Variants in ADGRL2 observed in about 807,000 individuals in gnomAD.
ADGRL2 encodes the protein calcium-independent alpha-latrotoxin receptor 2.
ADGRL2 carries 44 observed loss-of-function variants against 157.4 expected under a neutral mutation model. The observed-to-expected ratio is 0.28, with a 90% CI of 0.22 to 0.36. The LOEUF is 0.36. ADGRL2 is among the 10% of genes least tolerant of loss of function. The pLI is 1.00. For synonymous variants in ADGRL2, 585 were observed against 624.7 expected (o/e 0.94, Z 0.95); for missense variants, 1,510 against 1,768.9 (o/e 0.85, Z 2.63).
intron 14 of ADGRL2, 38 bp from the exon 15 acceptor site, chr1:81,969,140 C>A: frequency 7.1e-7 from 1 of 1,415,268 alleles, no homozygotes; most frequent in Non-Finnish European, 1.0e-6. Context: ...TGATGTAATG[C>A]AGGAATACTA....
intron 3 of ADGRL2, among the ~76,000 whole-genome samples, chr1:81,613,504 A>G (rs151290478): frequency 1.3e-5 from 2 of 152,338 alleles, no homozygotes; most frequent in Middle Eastern, 3.4e-3. Context: ...ATAAGGTGGA[A>G]TGCAATCAGG....
intron 2 of ADGRL2, among the ~76,000 whole-genome samples, chr1:81,896,129 C>T (rs1039769138): frequency 6.6e-6 from 1 of 151,990 alleles, no homozygotes; most frequent in African/African-American, 2.4e-5. Context: ...ATTATACCTG[C>T]GGAGATGATG....
In ADGRL2 at chr1:81,623,635, C is replaced by CTTT. The variant is rs752595573; in HGVS notation, c.-143+42672_-143+42674dup. Among the ~76,000 whole-genome samples the CTTT allele has an allele frequency of 2.2e-3, 265 of 118,946 alleles. 6 individuals carry two copies. Among genetic ancestry groups the CTTT allele is most frequent in the Middle Eastern group, 5.5e-3 (1 of 182 alleles). The allele number at this position is 118,946 out of a possible 152,430, so 78.0% of individuals were successfully genotyped here. ...CCTAAATCCAATGACTGATATCTTC[C>CTTT]TTTTTTTTTTTTTTTTTTTGAGACA... On this transcript the variant is annotated intron_variant, in intron 3 of 24. Coordinates refer to the ADGRL2 transcript ENST00000370721.
chr1:81,449,388 A>G (rs918489164), intron 2 of ADGRL2, among the ~76,000 whole-genome samples: 1 of 152,210 alleles, frequency 6.6e-6, no homozygotes, highest in African/African-American at 2.4e-5. Flanking sequence ...CGGGTAATTC[A>G]TTATGAAGGC....
chr1:81,362,528 A>C (rs957042888), intron 1 of ADGRL2, among the ~76,000 whole-genome samples: 3 of 151,970 alleles, frequency 2.0e-5, no homozygotes, highest in Non-Finnish European at 4.4e-5. Flanking sequence ...AGGCCCTCCA[A>C]ATTTATATGT....
At chr1:81,745,575 T>C (rs2085218875) in intron 1 of ADGRL2, among the ~76,000 whole-genome samples, 1 of 152,194 alleles carries the variant, frequency 6.6e-6, no homozygotes, top group African/African-American at 2.4e-5. Flanking sequence ...GTACACTCAG[T>C]GTTATTCATG....
chr1:81,359,589 G>A (rs1472944032), intron 1 of ADGRL2, among the ~76,000 whole-genome samples: 1 of 151,902 alleles, frequency 6.6e-6, no homozygotes, highest in Non-Finnish European at 1.5e-5. Context: ...AATAGACATT[G>A]CTAACATGAT....
chr1:81,528,203 A>T (rs141121118), intron 2 of ADGRL2, among the ~76,000 whole-genome samples: 86 of 152,372 alleles, frequency 5.6e-4, no homozygotes, highest in African/African-American at 2.0e-3. Flanking sequence ...TCTATTATTT[A>T]TAAATTAACC....
intron 2 of ADGRL2, among the ~76,000 whole-genome samples, chr1:81,559,056 T>G (rs566736974): frequency 6.6e-6 from 1 of 152,098 alleles, no homozygotes; most frequent in Non-Finnish European, 1.5e-5. Context: ...CACCTCTGAT[T>G]TTTTCTGTCA....
chr1:81,426,902 A>C, intron 1 of ADGRL2: 1 of 679,670 alleles, frequency 1.5e-6, no homozygotes, highest in Admixed American at 1.8e-5. Context: ...AAAGTATGGC[A>C]AGACTGAAAC....
chr1:81,477,965 A>G (rs895001629), intron 2 of ADGRL2, among the ~76,000 whole-genome samples: 1 of 152,148 alleles, frequency 6.6e-6, no homozygotes, highest in Non-Finnish European at 1.5e-5. Flanking sequence ...GTGTGAACGG[A>G]ACAAATGGCA....
chr1:81,369,553 G>A (rs1557634432), intron 1 of ADGRL2, among the ~76,000 whole-genome samples: 1 of 152,022 alleles, frequency 6.6e-6, no homozygotes, highest in African/African-American at 2.4e-5. Context: ...TCTCTATATG[G>A]GGTCTATTGT....
Position 81,970,524 on chromosome 1 carries a change from A to G in ADGRL2, c.2944A>G (p.Thr982Ala), listed in dbSNP as rs774188435. The change falls in exon 16 of 24, where the codon ACA becomes GCA. Residue 982 changes from threonine (T) to alanine (A), a missense_variant. By Grantham distance (58) the Thr-to-Ala change is moderately conservative. Coordinates refer to ENST00000686636, the MANE Select transcript of ADGRL2 (RefSeq NM_001366006.2). The part of the protein sequence containing the change: ...SAAIDYKSYG[T>A]EKACWLHVDN... ...TGCTATTGACTATAAGAGCTATGGAACAGAAAAAGCGTAAGTAATTGCAAG... is the reference window on the plus strand; with the variant it reads ...TGCTATTGACTATAAGAGCTATGGAGCAGAAAAAGCGTAAGTAATTGCAAG... 3 of 1,605,796 alleles carry G rather than the reference A, an allele frequency of 1.9e-6. No individual in the cohort carries two copies. The highest frequency in any genetic ancestry group is 2.5e-6 in the Non-Finnish European group (3 of 1,177,410).
intron 1 of ADGRL2, among the ~76,000 whole-genome samples, chr1:81,374,578 G>GAAAAAAAAAAAACAAC (rs71242588): frequency 3.2e-4 from 42 of 130,268 alleles, no homozygotes; most frequent in South Asian, 9.7e-4. Flanking sequence ...TCTCAAAAAA[G>GAAAAAAAAAAAACAAC]AAAAAAAAAA....
At chr1:81,891,147 A>AGT (rs2094254258) in intron 2 of ADGRL2, among the ~76,000 whole-genome samples, 1 of 151,746 alleles carries the variant, frequency 6.6e-6, no homozygotes, top group Non-Finnish European at 1.5e-5. Context: ...CCCATTCCCA[A>AGT]ATCACTAAAT....
At chr1:81,881,237 G>A (rs1344919116) in intron 2 of ADGRL2, among the ~76,000 whole-genome samples, 4 of 152,178 alleles carry the variant, frequency 2.6e-5, no homozygotes, top group South Asian at 2.1e-4. Flanking sequence ...GTGCAGTGGC[G>A]CGATCTTGGC....
intron 3 of ADGRL2, among the ~76,000 whole-genome samples, chr1:81,637,258 G>A (rs888742933): frequency 6.6e-6 from 1 of 152,166 alleles, no homozygotes. Context: ...ATAGGAGCTT[G>A]TATACCTGTG....
intron 3 of ADGRL2, among the ~76,000 whole-genome samples, chr1:81,920,438 G>A (rs1375743298): frequency 6.6e-6 from 1 of 152,154 alleles, no homozygotes; most frequent in Non-Finnish European, 1.5e-5. Context: ...CAGCTGTCAA[G>A]AGAGTTGCCT....
intron 2 of ADGRL2, among the ~76,000 whole-genome samples, chr1:81,871,296 G>C (rs185701006): frequency 2.6e-3 from 390 of 151,794 alleles, no homozygotes; most frequent in Non-Finnish European, 4.5e-3. Flanking sequence ...AGTATTCCAT[G>C]GTGTATATGT....
Sources: allele counts gnomAD v4.1 joint callset (sites outside exome capture counted in the v4.1 genomes callset), GRCh38; gene constraint gnomAD v4.1.1; transcripts MANE v1.5; gene names NCBI Gene and HGNC (gene_info 2026-07-23, HGNC 2026-07-21).